FRYL: variants seen among roughly 807,000 people sequenced by gnomAD.
The protein encoded by FRYL is FRY like transcription coactivator.
Under a neutral mutation model 351.2 loss-of-function variants are expected in FRYL, and 150 were observed. The ratio of observed to expected loss-of-function variants is 0.43; its 90% confidence interval spans 0.37 to 0.49. The LOEUF (loss-of-function observed/expected upper bound fraction) is 0.49, where lower values mean the gene tolerates loss of function less well. Ranked by LOEUF, FRYL falls within the 20% of genes least tolerant of loss-of-function variation. FRYL has a pLI of 0.00. For missense variants in FRYL, 3,036 were observed against 3,619.3 expected, an observed-to-expected ratio of 0.84 and a Z score of 4.13; for synonymous variants, 1,153 against 1,257.1, an observed-to-expected ratio of 0.92 and a Z score of 1.75.
chr4:48,540,984 G>C (rs1328798300), intron 45 of FRYL, 24 bp from the exon 46 acceptor site: 1 of 1,515,380 alleles, frequency 6.6e-7, no homozygotes, highest in African/African-American at 1.4e-5. Context: ...AAGAATAGAT[G>C]AATGCATACC....
intron 1 of FRYL, among the ~76,000 whole-genome samples, chr4:48,717,796 A>C (rs6447654): frequency 0.98 from 148,317 of 151,304 alleles, 72,793 homozygotes; most frequent in East Asian, 1. Flanking sequence ...CCTCCCTCAC[A>C]TTCCAAAGTA....
chr4:48,701,320 T>C (rs1358042277), intron 2 of FRYL, among the ~76,000 whole-genome samples: 2 of 152,168 alleles, frequency 1.3e-5, no homozygotes, highest in African/African-American at 4.8e-5. Context: ...ACAACAAATC[T>C]GTAAAAACCC....
Position 48,534,626 on chromosome 4 carries a change from T to G in FRYL, c.6624A>C (p.Leu2208=). 2 of 1,595,854 alleles carry G rather than the reference T, an allele frequency of 1.3e-6. No individual in the cohort carries two copies. Among genetic ancestry groups the G allele is most frequent in the South Asian group, 2.2e-5 (2 of 90,704 alleles). The stretch of plus-strand genomic sequence containing the variant: ...CTGCAGACAGGTCAATATGACTCAA[T>G]AGACTATAAATAATCTGTAGTAATG... The part of the protein sequence containing the change: ...QQSLLQIIYS[L]LSHIDLSAAP... The change falls in exon 49 of 64, where the codon CTA becomes CTC. Residue 2208 remains leucine (L), a synonymous_variant. Transcript: ENST00000358350.
intron 18 of FRYL, 46 bp from the exon 19 acceptor site, chr4:48,586,774 A>G: frequency 7.9e-7 from 1 of 1,267,640 alleles, no homozygotes; most frequent in Admixed American, 2.1e-5. Flanking sequence ...TACATATGCT[A>G]GACAATGAAA....
At position 48,547,831 on chromosome 4, in the gene FRYL, A is replaced by G. The variant is rs1731695359; in HGVS notation, c.4889-62T>C. On this transcript the variant is annotated intron_variant, in intron 40 of 63. Coordinates refer to ENST00000358350, the MANE Select transcript of FRYL (RefSeq NM_015030.2). ...GAAATAATGAGTATTCTTACTACCA[A>G]ACTCACATTTTGAAGAAAAGGAGAA... is the stretch of plus-strand genomic sequence containing the variant. 1.1e-5 allele frequency: 12 copies of G among 1,130,594 alleles called. No homozygotes were observed. The Admixed American group carries it at 3.0e-4, about 28-fold the overall frequency. 70.0% of individuals were successfully genotyped at this position (1,130,594 alleles called of 1,614,324 possible).
At chr4:48,636,766 TTTATTTC>T (rs1197727059) in intron 3 of FRYL, 3 of 152,022 alleles carry the variant, frequency 2.0e-5, no homozygotes, top group Non-Finnish European at 4.4e-5. Context: ...TTATTTAAAT[TTTATTTC>T]TTAGTAGGTG....
intron 4 of FRYL, among the ~76,000 whole-genome samples, chr4:48,630,640 C>T (rs1303223579): frequency 6.6e-6 from 1 of 152,116 alleles, no homozygotes; most frequent in African/African-American, 2.4e-5. Context: ...CACCAATTGC[C>T]CTTCTTGAAT....
At chr4:48,755,645 G>C (rs1367597699) in intron 1 of FRYL, among the ~76,000 whole-genome samples, 1 of 152,082 alleles carries the variant, frequency 6.6e-6, no homozygotes, top group Non-Finnish European at 1.5e-5. Context: ...TAACCTAATT[G>C]TCTTTATTGA....
chr4:48,737,690 A>T (rs1485194055), intron 1 of FRYL, among the ~76,000 whole-genome samples: 1 of 152,206 alleles, frequency 6.6e-6, no homozygotes, highest in Admixed American at 6.5e-5. Context: ...ACAGACTAAT[A>T]TCGATCATGA....
At chr4:48,667,497 G>A (rs1761933228) in intron 3 of FRYL, among the ~76,000 whole-genome samples, 1 of 150,010 alleles carries the variant, frequency 6.7e-6, no homozygotes. Context: ...TAAATTCCAT[G>A]AGACAACTGA....
At chr4:48,674,919 T>C (rs1218898212) in intron 3 of FRYL, among the ~76,000 whole-genome samples, 4 of 152,162 alleles carry the variant, frequency 2.6e-5, no homozygotes, top group African/African-American at 4.8e-5. Flanking sequence ...AATTCATGTT[T>C]ATTCCCCAGC....
Position 48,505,540 on chromosome 4 carries a change from AACTT to A in FRYL, c.8463+3_8463+6del, listed in dbSNP as rs763237264. Reference sequence around the variant, plus strand: ...GTATGTTGCAAAAACAGGAACAAGAAACTTACTTGTGCATCTGTGTTTATCCTAT... The same window carrying A: ...GTATGTTGCAAAAACAGGAACAAGAAACTTGTGCATCTGTGTTTATCCTAT... On this transcript the variant is annotated splice_donor_5th_base_variant and intron_variant, in intron 60 of 63. Coordinates refer to ENST00000358350, the MANE Select transcript of FRYL (RefSeq NM_015030.2). 11 of 1,583,730 alleles carry A rather than the reference AACTT, an allele frequency of 6.9e-6. No homozygotes were observed. Among genetic ancestry groups the A allele is most frequent in the Middle Eastern group, 1.7e-4 (1 of 5,986 alleles).
In FRYL at chr4:48,499,192, A is replaced by C. The variant is rs1719014063; in HGVS notation, c.*230T>G. 2.1e-6 allele frequency: 1 copy of C among 480,060 alleles called. No individual in the cohort carries two copies. 29.7% of individuals were successfully genotyped at this position (480,060 alleles called of 1,614,324 possible). A position where few individuals can be genotyped will look rare whatever the true frequency, so the allele number is the denominator to read the frequency against. Reference sequence around the variant, plus strand: ...TTCTTTTCACGTAGGTTAAGTAATTAAAAAATTCCTTCTTCACGCAGTTAT... The same window carrying C: ...TTCTTTTCACGTAGGTTAAGTAATTCAAAAATTCCTTCTTCACGCAGTTAT... On this transcript the variant is annotated 3_prime_UTR_variant, in exon 64 of 64. Transcript: ENST00000358350.
At chr4:48,595,378 T>C (rs1744390498) in intron 15 of FRYL, among the ~76,000 whole-genome samples, 1 of 151,782 alleles carries the variant, frequency 6.6e-6, no homozygotes. Context: ...TGCACTAACA[T>C]TAGGATTATG....
In FRYL at chr4:48,715,116, C is replaced by T. The variant is rs567415887; in HGVS notation, c.-383-4418G>A. The stretch of plus-strand genomic sequence containing the variant: ...CTCAATAAATTAGGTATTGATGGGA[C>T]GTATCTCAAAATAATAAGAGCTATC... On this transcript the variant is annotated intron_variant, in intron 1 of 63. Coordinates refer to ENST00000358350, the MANE Select transcript of FRYL (RefSeq NM_015030.2). Among the ~76,000 whole-genome samples, 252 of 152,016 alleles carry T rather than the reference C, an allele frequency of 1.7e-3. 1 individual carries two copies. Among genetic ancestry groups the T allele is most frequent in the African/African-American group, 5.0e-3 (209 of 41,472 alleles).
At chr4:48,614,882 A>G (rs1749087386) in intron 7 of FRYL, among the ~76,000 whole-genome samples, 1 of 123,662 alleles carries the variant, frequency 8.1e-6, no homozygotes, top group African/African-American at 3.2e-5. Flanking sequence ...GTTGGAGTGC[A>G]GTGGCGCGAT....
intron 31 of FRYL, 109 bp downstream of exon 31, chr4:48,563,839 G>A: frequency 8.5e-7 from 1 of 1,181,274 alleles, no homozygotes; most frequent in Non-Finnish European, 1.2e-6. Context: ...ATCCCCCACA[G>A]ATACTGAAGG....
At chr4:48,761,650 G>A (rs923432412) in intron 1 of FRYL, among the ~76,000 whole-genome samples, 26 of 151,880 alleles carry the variant, frequency 1.7e-4, no homozygotes, top group Non-Finnish European at 3.8e-4. Context: ...TCTTTGTTTA[G>A]ATACAAGAAA....
At chr4:48,531,431 A>C (rs2148882474) in intron 49 of FRYL, 78 bp from the exon 50 acceptor site, 1 of 824,974 alleles carries the variant, frequency 1.2e-6, no homozygotes, top group East Asian at 2.5e-5. Flanking sequence ...GTACACCATA[A>C]AAATATTATT....
Sources: allele counts gnomAD v4.1 joint callset (sites outside exome capture counted in the v4.1 genomes callset), GRCh38; gene constraint gnomAD v4.1.1; transcripts MANE v1.5; gene names NCBI Gene and HGNC (gene_info 2026-07-23, HGNC 2026-07-21).